EWSR1: variants seen among roughly 807,000 people sequenced by gnomAD.
EWSR1 encodes the protein RNA-binding protein EWS.
A neutral mutation model predicts 92.1 loss-of-function variants in EWSR1; 14 were observed. That is an observed-to-expected ratio of 0.15 (90% CI 0.10 to 0.24). EWSR1 has a LOEUF of 0.24. Ranked by LOEUF, EWSR1 falls within the 10% of genes least tolerant of loss-of-function variation. The pLI is 1.00. For synonymous variants in EWSR1, 303 were observed against 292.9 expected (o/e 1.03, Z -0.35); for missense variants, 637 against 870.9 (o/e 0.73, Z 3.38).
intron 6 of EWSR1, among the ~76,000 whole-genome samples, chr22:29,283,846 T>C (rs974764195): frequency 3.4e-5 from 5 of 149,084 alleles, no homozygotes; most frequent in Admixed American, 3.3e-4. Flanking sequence ...TTTGTTTGTT[T>C]GTTTTGAGAT....
chr22:29,276,533 A>C (rs1602248586), intron 4 of EWSR1: 1 of 224,886 alleles, frequency 4.4e-6, no homozygotes, highest in Non-Finnish European at 8.9e-6. Context: ...TGGCCAGTAC[A>C]TGAGGACACT....
intron 3 of EWSR1, 104 bp from the exon 4 acceptor site, chr22:29,273,637 A>C: frequency 7.6e-7 from 1 of 1,317,128 alleles, no homozygotes; most frequent in Non-Finnish European, 1.0e-6. Flanking sequence ...TTAATCTTCT[A>C]GAAAGGAATG....
intron 4 of EWSR1, chr22:29,276,869 C>T (rs1267683062): frequency 2.2e-5 from 5 of 231,040 alleles, no homozygotes; most frequent in African/African-American, 4.4e-5. Flanking sequence ...CCAGGGTGGT[C>T]TCTAACTCCT....
chr22:29,288,060 A>G (rs2060181234), intron 7 of EWSR1, among the ~76,000 whole-genome samples: 1 of 152,206 alleles, frequency 6.6e-6, no homozygotes, highest in Non-Finnish European at 1.5e-5. Flanking sequence ...GAAAGGGGGA[A>G]AAATAATCCT....
chr22:29,278,516 C>T (rs947534359), intron 5 of EWSR1, among the ~76,000 whole-genome samples: 3 of 151,474 alleles, frequency 2.0e-5, no homozygotes, highest in East Asian at 1.9e-4. Flanking sequence ...GGTGAAACCC[C>T]GTCTCTACTA....
chr22:29,277,851 T>C, intron 4 of EWSR1, 179 bp from the exon 5 acceptor site: 1 of 577,614 alleles, frequency 1.7e-6, no homozygotes, highest in South Asian at 2.4e-5. Context: ...ACTAGGTACA[T>C]TCAGAGAACT....
Position 29,277,319 on chromosome 22 carries a change from C to G in EWSR1, c.227-711C>G, listed in dbSNP as rs564225005. On this transcript the variant is annotated intron_variant, in intron 4 of 16. Transcript: ENST00000397938. ...AACTTGATAACGAGGCAGGAATCTGCTTTATGATGTGAAAACATTACCTTT... is the reference window on the plus strand; with the variant it reads ...AACTTGATAACGAGGCAGGAATCTGGTTTATGATGTGAAAACATTACCTTT... The G allele has an allele frequency of 2.2e-5, 5 of 226,656 alleles. No homozygotes were observed. The South Asian group carries it at 9.1e-4, about 41-fold the overall frequency. 14.0% of individuals were successfully genotyped at this position (226,656 alleles called of 1,614,324 possible).
At position 29,287,145 on chromosome 22, in the gene EWSR1, A is replaced by G; in HGVS notation, c.793+11A>G. On this transcript the variant is annotated intron_variant, in intron 7 of 16. Transcript: ENST00000397938. ...GCTACGGGCAGCAGAGTGAGTTGCT[A>G]AGAGAGAAAACCAAATAAGAATGAA... 5.0e-6 allele frequency: 8 copies of G among 1,612,632 alleles called. No individual in the cohort carries two copies. The highest frequency in any genetic ancestry group is 5.9e-6 in the Non-Finnish European group (7 of 1,178,954).
chr22:29,296,129 A>T, intron 11 of EWSR1, 110 bp from the exon 12 acceptor site: 2 of 1,041,136 alleles, frequency 1.9e-6, no homozygotes, highest in Non-Finnish European at 2.8e-6. Flanking sequence ...GGTGACATTT[A>T]GTGACTTACT....
At chr22:29,268,830 G>C (rs1365762746) in intron 1 of EWSR1, among the ~76,000 whole-genome samples, 2 of 152,268 alleles carry the variant, frequency 1.3e-5, no homozygotes, top group Admixed American at 6.5e-5. Flanking sequence ...AGATACCGTG[G>C]ATTTGTGGGC....
At position 29,299,177 on chromosome 22, in the gene EWSR1, C is replaced by T. The variant is rs543949654; in HGVS notation, c.1581-57C>T. 22 of 1,613,782 alleles carry T rather than the reference C, an allele frequency of 1.4e-5. No homozygotes were observed. In the Admixed American group the frequency reaches 1.8e-4, roughly 13 times the overall value. On this transcript the variant is annotated intron_variant, in intron 14 of 16. Transcript: ENST00000397938. ...TGTACCTGTTCACACACCACCTTTC[C>T]TTGTTTATCTTCCTTAGTTCAATTG...
chr22:29,288,854 G>T, intron 8 of EWSR1, 68 bp downstream of exon 8: 1 of 1,355,046 alleles, frequency 7.4e-7, no homozygotes, highest in Non-Finnish European at 9.9e-7. Context: ...TGGAAAGAAG[G>T]GACTGAAAGA....
At chr22:29,292,022 GT>G in intron 9 of EWSR1, 114 bp from the exon 10 acceptor site, 2 of 924,956 alleles carry the variant, frequency 2.2e-6, no homozygotes, top group South Asian at 2.6e-5. Flanking sequence ...GTCATTTTGA[GT>G]TTAATGAATC....
intron 12 of EWSR1, among the ~76,000 whole-genome samples, chr22:29,296,997 C>CTGAGAT (rs1156728663): frequency 6.6e-6 from 1 of 152,300 alleles, no homozygotes; most frequent in East Asian, 1.9e-4. Flanking sequence ...CTCCAGTGAG[C>CTGAGAT]TGAGATTGCA....
At chr22:29,294,516 A>T (rs941990590) in intron 11 of EWSR1, among the ~76,000 whole-genome samples, 4 of 151,672 alleles carry the variant, frequency 2.6e-5, no homozygotes, top group Non-Finnish European at 4.4e-5. Flanking sequence ...GAGGCGGGAG[A>T]ATGGCATGAA....
intron 13 of EWSR1, 44 bp downstream of exon 13, chr22:29,297,993 A>G (rs2060999292): frequency 2.5e-6 from 4 of 1,586,834 alleles, no homozygotes; most frequent in African/African-American, 2.7e-5. Flanking sequence ...GGTTTTCAGT[A>G]CACTTCATAC....
chr22:29,275,436 A>G (rs575461191), intron 4 of EWSR1, among the ~76,000 whole-genome samples: 2 of 152,342 alleles, frequency 1.3e-5, no homozygotes, highest in South Asian at 4.1e-4. Context: ...TTTAGAGACT[A>G]GTAGCTTTGA....
intron 1 of EWSR1, chr22:29,269,264 C>G (rs1420972043): frequency 6.6e-6 from 1 of 152,250 alleles, no homozygotes; most frequent in Admixed American, 6.5e-5. Flanking sequence ...GTTTATTCGC[C>G]TGCGTTAGGC....
intron 8 of EWSR1, 43 bp downstream of exon 8, chr22:29,288,829 C>G: frequency 6.7e-7 from 1 of 1,484,694 alleles, no homozygotes; most frequent in South Asian, 1.3e-5. Flanking sequence ...TTTGTTTCAT[C>G]CATAGGATTT....
Sources: gnomAD v4.1 joint callset for allele counts (sites outside exome capture counted in the v4.1 genomes callset) on GRCh38, gnomAD v4.1.1 for gene constraint, MANE v1.5 for transcripts, NCBI Gene and HGNC (gene_info 2026-07-23, HGNC 2026-07-21) for gene names.